Variants in TAFA4 observed in about 807,000 individuals in gnomAD.
TAFA4 encodes TAFA chemokine like family member 4.
In TAFA4, 20 loss-of-function variants were observed where a neutral mutation model predicts 21.1. The ratio of observed to expected loss-of-function variants is 0.95; its 90% CI spans 0.67 to 1.38. The LOEUF is 1.38. Among genes scored for constraint, TAFA4 ranks in the 40% most tolerant of loss-of-function variants. The pLI is 0.00. For synonymous variants in TAFA4, 71 were observed against 67.4 expected, an observed-to-expected ratio of 1.05 and a Z score of -0.26; for missense variants, 211 against 180.9, an observed-to-expected ratio of 1.17 and a Z score of -0.95.
At chr3:68,833,455 C>A (rs963653130) in intron 3 of TAFA4, among the ~76,000 whole-genome samples, 13 of 152,268 alleles carry the variant, frequency 8.5e-5, no homozygotes, top group Middle Eastern at 3.4e-3. Context: ...ATGTGAAATA[C>A]AACACTTAAC....
chr3:68,824,236 G>A (rs1274198991), intron 3 of TAFA4, among the ~76,000 whole-genome samples: 1 of 152,194 alleles, frequency 6.6e-6, no homozygotes, highest in East Asian at 1.9e-4. Flanking sequence ...TAAAAATGAT[G>A]TAAATTTATG....
chr3:68,846,736 A>G (rs1483556919), intron 3 of TAFA4, among the ~76,000 whole-genome samples: 3 of 151,944 alleles, frequency 2.0e-5, no homozygotes, highest in Admixed American at 1.3e-4. Flanking sequence ...TGTTGATGCT[A>G]TTGCTTTGTT....
intron 4 of TAFA4, among the ~76,000 whole-genome samples, chr3:68,744,483 A>T (rs1339320035): frequency 6.6e-6 from 1 of 152,240 alleles, no homozygotes; most frequent in Non-Finnish European, 1.5e-5. Flanking sequence ...TCTAAAACAG[A>T]AGAGCAACTG....
At position 68,884,132 on chromosome 3, in the gene TAFA4, TAAATATATG is replaced by T. The variant is rs143132096; in HGVS notation, c.14+1034_14+1042del. On this transcript the variant is annotated intron_variant, in intron 2 of 5. Coordinates refer to ENST00000295569, the MANE Select transcript of TAFA4 (RefSeq NM_182522.5). ...ATTAAAAAGAAACAAAAGTTTATTT[TAAATATATG>T]AATTATATGACAGCCTGGGCCTGTC... Among the ~76,000 whole-genome samples, 1,020 of 152,316 alleles carry T rather than the reference TAAATATATG, an allele frequency of 6.7e-3. 6 individuals are homozygous for T. The highest frequency in any genetic ancestry group is 0.024 in the African/African-American group (984 of 41,568).
At chr3:68,863,697 A>T (rs552925006) in intron 3 of TAFA4, among the ~76,000 whole-genome samples, 2 of 152,280 alleles carry the variant, frequency 1.3e-5, no homozygotes, top group South Asian at 4.1e-4. Flanking sequence ...AGCTGCACAG[A>T]TGTGATCTGT....
At chr3:68,926,225 C>CA (rs566046202) in intron 1 of TAFA4, among the ~76,000 whole-genome samples, 10,156 of 96,832 alleles carry the variant, frequency 0.1, 389 homozygotes, top group Middle Eastern at 0.14. Context: ...ACTCTGTCTC[C>CA]AAAAAAAAAA....
rs753641196 is a variant in TAFA4 at position 68,880,755 on chromosome 3, T to C, written c.105A>G (p.Ser35=). The C allele has an allele frequency of 1.2e-6, 2 of 1,613,960 alleles. No individual in the cohort carries two copies. Among genetic ancestry groups the C allele is most frequent in the East Asian group, 2.2e-5 (1 of 44,858 alleles). ...CTGCATGTCCCCGGAGGTGCTGGCT[T>C]GAGGCGGACATCAGCTTACAGCACA... ...LMVCCKLMSA[S]SQHLRGHAGH... is the part of the protein sequence containing the mutation. The change falls in exon 3 of 6, where the codon TCA becomes TCG. Residue 35 remains serine (S), a synonymous_variant. Coordinates refer to ENST00000295569, the MANE Select transcript of TAFA4 (RefSeq NM_182522.5).
intron 3 of TAFA4, among the ~76,000 whole-genome samples, chr3:68,762,815 G>A (rs982437433): frequency 6.6e-6 from 1 of 152,250 alleles, no homozygotes; most frequent in Non-Finnish European, 1.5e-5. Context: ...GAGGCAGGCA[G>A]ATCACTTGAG....
At chr3:68,887,906 G>A (rs925645168) in intron 1 of TAFA4, among the ~76,000 whole-genome samples, 1 of 151,984 alleles carries the variant, frequency 6.6e-6, no homozygotes, top group Non-Finnish European at 1.5e-5. Context: ...AATCATTTTA[G>A]CAATCTCTTT....
At chr3:68,786,118 C>A (rs555053194) in intron 3 of TAFA4, among the ~76,000 whole-genome samples, 52 of 152,144 alleles carry the variant, frequency 3.4e-4, no homozygotes, top group Admixed American at 2.0e-4. Flanking sequence ...AAGCAAATTG[C>A]TGGATGACAT....
At chr3:68,768,936 A>G (rs2106779356) in intron 3 of TAFA4, among the ~76,000 whole-genome samples, 1 of 152,258 alleles carries the variant, frequency 6.6e-6, no homozygotes, top group Non-Finnish European at 1.5e-5. Flanking sequence ...TAAGAATAGG[A>G]GAGGGGAGAA....
intron 3 of TAFA4, among the ~76,000 whole-genome samples, chr3:68,798,843 A>C (rs994564855): frequency 2.0e-5 from 3 of 152,228 alleles, no homozygotes; most frequent in African/African-American, 7.2e-5. Context: ...AGTAAAATTG[A>C]GTCATACAAA....
chr3:68,819,472 T>C (rs552659667), intron 3 of TAFA4, among the ~76,000 whole-genome samples: 2 of 152,268 alleles, frequency 1.3e-5, no homozygotes, highest in Admixed American at 1.3e-4. Flanking sequence ...CCTTTCACCA[T>C]TGAGTTTGGG....
intron 3 of TAFA4, among the ~76,000 whole-genome samples, chr3:68,828,071 A>C (rs1471669417): frequency 6.6e-6 from 1 of 152,200 alleles, no homozygotes; most frequent in Non-Finnish European, 1.5e-5. Flanking sequence ...AGATGTAAGA[A>C]AGGGATAGTT....
Position 68,932,282 on chromosome 3 carries a change from C to T in TAFA4, c.-165G>A, listed in dbSNP as rs1205947324. 2.6e-5 allele frequency: 4 copies of T among 152,410 alleles called. No homozygotes were observed. Among genetic ancestry groups the T allele is most frequent in the African/African-American group, 9.7e-5 (4 of 41,440 alleles). The allele number at this position is 152,410 out of a possible 1,614,324, so 9.4% of individuals were successfully genotyped here. A position where few individuals can be genotyped will look rare whatever the true frequency, so the allele number is the denominator to read the frequency against. On this transcript the variant is annotated 5_prime_UTR_variant, in exon 1 of 6. Transcript: ENST00000295569. Reference sequence around the variant, plus strand: ...CCAAGTCGGACCGGCGCGTCCGGAACTAGGTACTGATCGCCGCACCGGAGC... The same window carrying T: ...CCAAGTCGGACCGGCGCGTCCGGAATTAGGTACTGATCGCCGCACCGGAGC...
chr3:68,732,914 A>C lies in TAFA4; in HGVS notation c.*228T>G. The C allele has an allele frequency of 1.9e-6, 1 of 538,744 alleles. No individual in the cohort carries two copies. Among genetic ancestry groups the C allele is most frequent in the Non-Finnish European group, 3.3e-6 (1 of 306,040 alleles). The allele number at this position is 538,744 out of a possible 1,614,324, so 33.4% of individuals were successfully genotyped here. A position where few individuals can be genotyped will look rare whatever the true frequency, so the allele number is the denominator to read the frequency against. On this transcript the variant is annotated 3_prime_UTR_variant, in exon 6 of 6. Coordinates refer to ENST00000295569, the MANE Select transcript of TAFA4 (RefSeq NM_182522.5). The stretch of plus-strand genomic sequence containing the variant: ...AGGTATGCTCCTTGGGAATCCAGAG[A>C]GGATGTCAAATGGGTGGTGGCTTGT...
At chr3:68,804,585 G>T (rs555455701) in intron 3 of TAFA4, among the ~76,000 whole-genome samples, 1 of 152,246 alleles carries the variant, frequency 6.6e-6, no homozygotes, top group Non-Finnish European at 1.5e-5. Flanking sequence ...AAACAGCATG[G>T]TACTGGTACC....
intron 3 of TAFA4, among the ~76,000 whole-genome samples, chr3:68,851,287 AATGAAATT>A (rs1704941864): frequency 6.6e-6 from 1 of 152,164 alleles, no homozygotes; most frequent in Admixed American, 6.5e-5. Context: ...GGAGCTAAAC[AATGAAATT>A]ACATGGACAT....
intron 4 of TAFA4, among the ~76,000 whole-genome samples, chr3:68,747,676 T>C (rs144300940): frequency 1.4e-3 from 212 of 152,292 alleles, no homozygotes; most frequent in African/African-American, 4.9e-3. Flanking sequence ...TGACTGATTG[T>C]GAGCTCACCA....
Sources: gnomAD v4.1 joint callset for allele counts (sites outside exome capture counted in the v4.1 genomes callset) on GRCh38, gnomAD v4.1.1 for gene constraint, MANE v1.5 for transcripts, NCBI Gene and HGNC (gene_info 2026-07-23, HGNC 2026-07-21) for gene names.